Variants in C1QTNF12 observed in about 807,000 individuals in gnomAD.
The protein encoded by C1QTNF12 is adipolin.
In C1QTNF12, 39 loss-of-function variants were observed where a neutral mutation model predicts 34.3. That is an observed-to-expected ratio of 1.14 (90% CI 0.88 to 1.49). The LOEUF (loss-of-function observed/expected upper bound fraction) is 1.49, where lower values mean the gene tolerates loss of function less well. C1QTNF12 is among the 40% of genes most tolerant of loss of function. The pLI is 0.00. For synonymous variants in C1QTNF12, 220 were observed against 196.9 expected (o/e 1.12, Z -0.98); for missense variants, 497 against 424.7 (o/e 1.17, Z -1.50).
chr1:1,247,115 T>C (rs1050820791), upstream of C1QTNF12, among the ~76,000 whole-genome samples: 1 of 142,136 alleles, frequency 7.0e-6, no homozygotes, highest in Non-Finnish European at 1.5e-5. Context: ...CCTGCCCCCA[T>C]TGCTTCCCCA....
chr1:1,243,611 C>T (rs1638801864), intron 4 of C1QTNF12, 59 bp from the exon 5 acceptor site: 7 of 1,402,052 alleles, frequency 5.0e-6, no homozygotes, highest in Non-Finnish European at 6.9e-6. Flanking sequence ...CCACAGACCC[C>T]GCCTGGGGAA....
chr1:1,242,683 A>T, intron 7 of C1QTNF12, 37 bp from the exon 8 acceptor site: 1 of 1,569,966 alleles, frequency 6.4e-7, no homozygotes, highest in Non-Finnish European at 8.7e-7. Flanking sequence ...CCGCAGCCAC[A>T]GCCCAGCCAC....
rs535887865 is a variant in C1QTNF12 at position 1,244,263 on chromosome 1, C to T, written c.307G>A (p.Gly103Ser). The T allele has an allele frequency of 7.6e-5, 121 of 1,594,060 alleles. No individual in the cohort carries two copies. The highest frequency in any genetic ancestry group is 2.0e-4 in the South Asian group (18 of 89,224). ...SRDKKPRDLFGPPGPPGAEVT... is the reference protein window; with the variant it reads ...SRDKKPRDLFSPPGPPGAEVT... ...TCTGCACCTGGAGGTCCTGGGGGAC[C>T]GAAGAGATCCCGCTGGGGGGAGAGA... is the stretch of plus-strand genomic sequence containing the variant. Residue 103 changes from glycine (G) to serine (S), a missense_variant, in exon 3 of 8, where the codon GGT becomes AGT. Gly to Ser is a moderately conservative substitution (Grantham distance 56). Transcript: ENST00000330388.
At chr1:1,244,347 G>T (rs753175285) in intron 2 of C1QTNF12, 34 bp downstream of exon 2, 2 of 1,602,718 alleles carry the variant, frequency 1.2e-6, no homozygotes, top group Non-Finnish European at 1.7e-6. Context: ...CCTGTCCGGG[G>T]CTCAGACCCT....
intron 1 of C1QTNF12, among the ~76,000 whole-genome samples, chr1:1,245,789 C>T (rs1268799705): frequency 1.3e-5 from 2 of 152,208 alleles, no homozygotes; most frequent in East Asian, 3.9e-4. Flanking sequence ...AGCAGAGACG[C>T]CCTCGGGAGG....
chr1:1,243,900 C>G (rs1397401741), intron 4 of C1QTNF12, 54 bp downstream of exon 4: 1 of 1,562,548 alleles, frequency 6.4e-7, no homozygotes, highest in Non-Finnish European at 8.7e-7. Context: ...GTGGTCCCGT[C>G]TTGCCTGTGG....
At position 1,243,986 on chromosome 1, in the gene C1QTNF12, G is replaced by A. The variant is rs375928004; in HGVS notation, c.499C>T (p.Arg167Trp). Residue 167 changes from arginine (R) to tryptophan (W), a missense_variant, in exon 4 of 8, where the codon CGG (arginine) becomes TGG (tryptophan). Physicochemically the swap from Arg to Trp is moderately radical, Grantham distance 101. Coordinates refer to ENST00000330388, the MANE Select transcript of C1QTNF12 (RefSeq NM_001014980.3). The part of the protein sequence containing the change: ...RLQGPRRVDK[R>W]TLVELHGFQA... ...AAACCATGCAGCTCCACCAGCGTCC[G>A]CTTGTCCACCCGGCGGGGACCCTGC... The A allele has an allele frequency of 1.9e-5, 30 of 1,609,254 alleles. No homozygotes were observed. Among genetic ancestry groups the A allele is most frequent in the Middle Eastern group, 1.7e-4 (1 of 6,018 alleles).
rs1638827974 is a variant in C1QTNF12, at chr1:1,244,438, G to T, written c.237C>A (p.Val79=). 6.2e-7 allele frequency: 1 copy of T among 1,611,934 alleles called. No individual in the cohort carries two copies. The highest frequency in any genetic ancestry group is 1.3e-5 in the African/African-American group (1 of 74,966). ...SDAHMTWLNF[V]RRPDDGALRK... is the part of the protein sequence containing the mutation. ...TTAAGGCGCCGTCGTCCGGCCGCCGGACAAAGTTCAGCCATGTCATGTGGG... is the reference window on the plus strand; with the variant it reads ...TTAAGGCGCCGTCGTCCGGCCGCCGTACAAAGTTCAGCCATGTCATGTGGG... The change falls in exon 2 of 8, where the codon GTC becomes GTA. Residue 79 remains valine (V), a synonymous_variant. Coordinates refer to ENST00000330388, the MANE Select transcript of C1QTNF12 (RefSeq NM_001014980.3).
chr1:1,242,822 G>C lies in C1QTNF12; in HGVS notation c.810+13C>G. 6.2e-7 allele frequency: 1 copy of C among 1,611,872 alleles called. No homozygotes were observed. Among genetic ancestry groups the C allele is most frequent in the Non-Finnish European group, 8.5e-7 (1 of 1,179,468 alleles). On this transcript the variant is annotated intron_variant, in intron 7 of 7. Transcript: ENST00000330388. ...CACCCGAGCCCTCCCGCTCACACCC[G>C]GCCCGGACTCACCTGCAGCTGCAGC...
At chr1:1,246,996 C>T (rs929462005), upstream of C1QTNF12, among the ~76,000 whole-genome samples, 1 of 152,042 alleles carries the variant, frequency 6.6e-6, no homozygotes, top group African/African-American at 2.4e-5. The surrounding 1 kb of genome is among the most constrained non-coding windows in gnomAD (Gnocchi z 4.5). Context: ...GGCTCACACT[C>T]GGACGATCAG....
chr1:1,244,681 C>A, intron 1 of C1QTNF12, 184 bp from the exon 2 acceptor site: 1 of 593,788 alleles, frequency 1.7e-6, no homozygotes, highest in Non-Finnish European at 3.0e-6. Context: ...GGCAGGCATG[C>A]GGGGCTTCTG....
Position 1,242,523 on chromosome 1 carries a change from T to C in C1QTNF12, c.*25A>G. 1 of 1,534,180 alleles carries C rather than the reference T, an allele frequency of 6.5e-7. No homozygotes were observed. Among genetic ancestry groups the C allele is most frequent in the East Asian group, 2.4e-5 (1 of 40,886 alleles). On this transcript the variant is annotated 3_prime_UTR_variant, in exon 8 of 8. Coordinates refer to ENST00000330388, the MANE Select transcript of C1QTNF12 (RefSeq NM_001014980.3). ...AGGGTCCCCGGGATCCGGCGGCAGC[T>C]CCTCGCCAGCCCCCCTGGGCGCCCT... is the stretch of plus-strand genomic sequence containing the variant.
At position 1,244,508 on chromosome 1, in the gene C1QTNF12, G is replaced by T. The variant is rs768141577; in HGVS notation, c.178-11C>A. On this transcript the variant is annotated splice_polypyrimidine_tract_variant and intron_variant, in intron 1 of 7. Transcript: ENST00000330388. Reference sequence around the variant, plus strand: ...TGAGGCCTGGGATGGCTGAAGGGACGGGACGGGGCTAGCGCACTGAGGCTG... The same window carrying T: ...TGAGGCCTGGGATGGCTGAAGGGACTGGACGGGGCTAGCGCACTGAGGCTG... 1.9e-6 allele frequency: 3 copies of T among 1,590,168 alleles called. No homozygotes were observed. The highest frequency in any genetic ancestry group is 2.6e-6 in the Non-Finnish European group (3 of 1,160,094).
chr1:1,243,811 C>T (rs908140849), intron 4 of C1QTNF12, 143 bp downstream of exon 4: 12 of 1,208,256 alleles, frequency 9.9e-6, no homozygotes, highest in Non-Finnish European at 1.4e-5. Context: ...CAACCCTGAC[C>T]CGAGGCAGCC....
chr1:1,246,664 G>A lies in C1QTNF12; in HGVS notation c.27C>T (p.Val9=), dbSNP rs1328259742. The A allele has an allele frequency of 1.6e-6, 2 of 1,229,236 alleles. No individual in the cohort carries two copies. The highest frequency in any genetic ancestry group is 1.0e-6 in the Non-Finnish European group (1 of 986,158). The allele number at this position is 1,229,236 out of a possible 1,614,324, so 76.1% of individuals were successfully genotyped here. MRRWAWAA[V]VVLLGPQLVL... ...CGAGCTGCGGCCCGAGGAGGACCAC[G>A]ACCGCGGCCCAGGCCCAGCGCCGCA... Residue 9 remains valine (V), a synonymous_variant, in exon 1 of 8, where the codon GTC becomes GTT. Transcript: ENST00000330388. The surrounding 1 kb of genome is among the most constrained non-coding windows in gnomAD (Gnocchi z 4.5).
intron 4 of C1QTNF12, 80 bp from the exon 5 acceptor site, chr1:1,243,632 A>G: frequency 8.4e-7 from 1 of 1,191,358 alleles, no homozygotes; most frequent in East Asian, 2.6e-5. Context: ...GGTGCCTGCA[A>G]CCGACAGCCC....
chr1:1,244,694 G>A, intron 1 of C1QTNF12, 197 bp from the exon 2 acceptor site: 2 of 580,378 alleles, frequency 3.4e-6, no homozygotes, highest in Non-Finnish European at 6.2e-6. Flanking sequence ...GGCTTCTGTG[G>A]ACACAGCCAG....
At chr1:1,242,778 A>T (rs1158390970) in intron 7 of C1QTNF12, 57 bp downstream of exon 7, 10 of 1,595,924 alleles carry the variant, frequency 6.3e-6, no homozygotes, top group Non-Finnish European at 8.6e-6. Flanking sequence ...CCGAGCTCAC[A>T]CCCGGCCCAG....
chr1:1,245,528 G>A (rs542593864), intron 1 of C1QTNF12, among the ~76,000 whole-genome samples: 2 of 151,712 alleles, frequency 1.3e-5, no homozygotes, highest in African/African-American at 2.4e-5. Flanking sequence ...ACCCTGCAGG[G>A]TCTCTGGAGG....
Sources: allele counts gnomAD v4.1 joint callset (sites outside exome capture counted in the v4.1 genomes callset), GRCh38; gene constraint gnomAD v4.1.1; non-coding constraint Gnocchi (gnomAD v3.1); transcripts MANE v1.5; gene names NCBI Gene and HGNC (gene_info 2026-07-23, HGNC 2026-07-21).